Variants in EDRF1 observed in about 807,000 individuals in gnomAD.
EDRF1 encodes the protein erythroid differentiation-related factor 1.
In EDRF1, 69 loss-of-function variants were observed where a neutral mutation model predicts 148.7. That is an observed-to-expected ratio of 0.46 (90% CI 0.38 to 0.57). The LOEUF is 0.57. Among genes scored for constraint, EDRF1 ranks in the 20% least tolerant of loss-of-function variants. EDRF1 has a pLI of 0.00. For synonymous variants in EDRF1, 515 were observed against 532.8 expected, an observed-to-expected ratio of 0.97 and a Z score of 0.46; for missense variants, 1,118 against 1,478.7, an observed-to-expected ratio of 0.76 and a Z score of 4.00.
intron 9 of EDRF1, among the ~76,000 whole-genome samples, chr10:125,732,396 T>A (rs1054857248): frequency 1.8e-4 from 28 of 152,276 alleles, no homozygotes; most frequent in African/African-American, 6.7e-4. Context: ...TATGTTTTTG[T>A]CACATGTTCA....
intron 18 of EDRF1, 104 bp from the exon 19 acceptor site, chr10:125,745,603 C>A: frequency 8.2e-7 from 1 of 1,225,784 alleles, no homozygotes; most frequent in Non-Finnish European, 1.2e-6. Flanking sequence ...GGCTCGCCAC[C>A]ACACTCCTGT....
In EDRF1 at chr10:125,721,282, G is replaced by A; in HGVS notation, c.187G>A (p.Ala63Thr). 6.2e-7 allele frequency: 1 copy of A among 1,614,196 alleles called. No homozygotes were observed. Among genetic ancestry groups the A allele is most frequent in the Non-Finnish European group, 8.5e-7 (1 of 1,180,034 alleles). ...VKYSSAPPRTAFARLEEKTDL... is the reference protein window; with the variant it reads ...VKYSSAPPRTTFARLEEKTDL... ...ATACTCTTCTGCCCCTCCTCGAACA[G>A]CATTTGCACGCCTTGAAGAGAAAAC... The change falls in exon 2 of 25, where the codon GCA becomes ACA. Residue 63 changes from alanine (A) to threonine (T), a missense_variant. By Grantham distance (58) the Ala-to-Thr change is moderately conservative. Transcript: ENST00000356792.
intron 1 of EDRF1, among the ~76,000 whole-genome samples, chr10:125,720,469 C>A (rs771080896): frequency 2.0e-5 from 3 of 152,148 alleles, no homozygotes; most frequent in African/African-American, 7.2e-5. Context: ...ACAAAAAGCC[C>A]AAATGTTCTA....
intron 13 of EDRF1, among the ~76,000 whole-genome samples, chr10:125,736,809 T>G (rs1193138647): frequency 6.6e-6 from 1 of 151,930 alleles, no homozygotes; most frequent in East Asian, 1.9e-4. Flanking sequence ...TGGCTGCCTT[T>G]TTTAAGGCTT....
intron 15 of EDRF1, 138 bp from the exon 16 acceptor site, chr10:125,740,325 A>T: frequency 1.1e-6 from 1 of 907,256 alleles, no homozygotes; most frequent in Non-Finnish European, 1.7e-6. Flanking sequence ...CAGTGTATTT[A>T]AGCAGTAAAG....
At chr10:125,723,621 G>A (rs1260561387) in intron 3 of EDRF1, among the ~76,000 whole-genome samples, 190 bp from the exon 4 acceptor site, 2 of 152,160 alleles carry the variant, frequency 1.3e-5, no homozygotes, top group East Asian at 3.8e-4. Context: ...CTCATAAAGT[G>A]TACGTGATTC....
chr10:125,760,950 T>C (rs2133771797), intron 24 of EDRF1, among the ~76,000 whole-genome samples: 1 of 152,382 alleles, frequency 6.6e-6, no homozygotes, highest in Admixed American at 6.5e-5. Context: ...GTACACAGCC[T>C]AAATGCAAAT....
intron 21 of EDRF1, chr10:125,748,261 C>T: frequency 1.8e-6 from 1 of 551,712 alleles, no homozygotes; most frequent in Non-Finnish European, 3.3e-6. Flanking sequence ...CTGCCTGTCA[C>T]TTAACATCGT....
At chr10:125,754,302 C>G (rs1849787793) in intron 24 of EDRF1, among the ~76,000 whole-genome samples, 1 of 152,022 alleles carries the variant, frequency 6.6e-6, no homozygotes, top group African/African-American at 2.4e-5. Context: ...AAGTGGTGTT[C>G]CTTCTTGACT....
Position 125,745,892 on chromosome 10 carries a change from C to T in EDRF1, c.2776C>T (p.Arg926Cys), listed in dbSNP as rs755479754. ...CTGTGGTGCAGGGGATGAACTGAAA[C>T]GTGAATTTTCACCAGAAGAAGGCTT... ...AHCGAGDELK[R>C]EFSPEEGLYY... The change falls in exon 19 of 25, where the codon CGT (arginine) becomes TGT (cysteine). Residue 926 changes from arginine (R) to cysteine (C), a missense_variant. Coordinates refer to ENST00000356792, the MANE Select transcript of EDRF1 (RefSeq NM_001202438.2). 6.8e-6 allele frequency: 11 copies of T among 1,614,044 alleles called. No individual in the cohort carries two copies. Among genetic ancestry groups the T allele is most frequent in the African/African-American group, 1.3e-5 (1 of 74,910 alleles).
chr10:125,748,269 C>T (rs1003628315), intron 21 of EDRF1: 43 of 533,116 alleles, frequency 8.1e-5, no homozygotes, highest in Non-Finnish European at 1.2e-4. Flanking sequence ...CACTTAACAT[C>T]GTGTTTTTGA....
At chr10:125,738,229 T>G (rs1291144619) in intron 14 of EDRF1, 66 bp from the exon 15 acceptor site, 6 of 1,583,460 alleles carry the variant, frequency 3.8e-6, no homozygotes, top group Non-Finnish European at 5.2e-6. Flanking sequence ...CCAGATACTG[T>G]CTTATATTTA....
chr10:125,761,846 A>G (rs1166377246), intron 24 of EDRF1, among the ~76,000 whole-genome samples: 1 of 152,244 alleles, frequency 6.6e-6, no homozygotes, highest in Non-Finnish European at 1.5e-5. Context: ...AGAATAAGTC[A>G]TCTTTCAAAT....
chr10:125,728,913 C>A (rs1848379965), intron 6 of EDRF1, 90 bp from the exon 7 acceptor site: 2 of 972,804 alleles, frequency 2.1e-6, no homozygotes, highest in African/African-American at 1.6e-5. Context: ...GAAGTGTGTG[C>A]TTTGAATATT....
intron 6 of EDRF1, among the ~76,000 whole-genome samples, chr10:125,728,277 T>C (rs1848352053): frequency 6.6e-6 from 1 of 152,170 alleles, no homozygotes; most frequent in Admixed American, 6.6e-5. Flanking sequence ...CATTGGTTTT[T>C]ACAAAGATAA....
intron 17 of EDRF1, chr10:125,742,584 C>T: frequency 1.0e-6 from 1 of 985,246 alleles, no homozygotes; most frequent in African/African-American, 1.7e-5. Flanking sequence ...TTACTACTCC[C>T]ATCATAGCAA....
chr10:125,737,835 C>T (rs924608346), intron 13 of EDRF1, 83 bp from the exon 14 acceptor site: 3 of 1,336,936 alleles, frequency 2.2e-6, no homozygotes, highest in South Asian at 1.2e-5. Flanking sequence ...ATAATGCTTA[C>T]AGTAATTTAA....
Position 125,719,931 on chromosome 10 carries a change from A to AGGGGGACCTGCCAGGGATGTGGGAGC in EDRF1, c.108+19_108+44dup. ...TTCTGCACAGGTGAGTCCTCCGCGG[A>AGGGGGACCTGCCAGGGATGTGGGAGC]GGGGGACCTGCCAGGGATGTGGGAG... On this transcript the variant is annotated intron_variant, in intron 1 of 24. Transcript: ENST00000356792. 6.2e-7 allele frequency: 1 copy of AGGGGGACCTGCCAGGGATGTGGGAGC among 1,606,024 alleles called. No individual in the cohort carries two copies. The highest frequency in any genetic ancestry group is 1.1e-5 in the South Asian group (1 of 90,658).
At chr10:125,748,185 T>C (rs1241772192) in intron 21 of EDRF1, 173 bp downstream of exon 21, 3 of 745,168 alleles carry the variant, frequency 4.0e-6, no homozygotes, top group African/African-American at 1.7e-5. Flanking sequence ...ACTTAAACAA[T>C]ATGTCCGCAT....
Sources: allele counts gnomAD v4.1 joint callset (sites outside exome capture counted in the v4.1 genomes callset), GRCh38; gene constraint gnomAD v4.1.1; transcripts MANE v1.5; gene names NCBI Gene and HGNC (gene_info 2026-07-23, HGNC 2026-07-21).